Variants in SPATA6L observed in about 807,000 individuals in gnomAD.
SPATA6L encodes the protein spermatogenesis associated 6-like protein.
A neutral mutation model predicts 49.2 loss-of-function variants in SPATA6L; 68 were observed. The ratio of observed to expected loss-of-function variants is 1.38; its 90% CI spans 1.14 to 1.69. The LOEUF (loss-of-function observed/expected upper bound fraction) is 1.69. Among genes scored for constraint, SPATA6L ranks in the 40% most tolerant of loss-of-function variants. SPATA6L has a pLI of 0.00. For missense variants in SPATA6L, 668 were observed against 464.3 expected, an observed-to-expected ratio of 1.44 and a Z score of -4.03; for synonymous variants, 198 against 165.7, an observed-to-expected ratio of 1.19 and a Z score of -1.50.
chr9:4,655,522 C>G (rs1478927044), intron 3 of SPATA6L, among the ~76,000 whole-genome samples: 1 of 151,722 alleles, frequency 6.6e-6, no homozygotes, highest in Non-Finnish European at 1.5e-5. Context: ...TCCATCAAAG[C>G]CCATCTATAT....
intron 7 of SPATA6L, among the ~76,000 whole-genome samples, chr9:4,620,920 CT>C (rs1244607978): frequency 6.6e-6 from 1 of 152,180 alleles, no homozygotes; most frequent in Non-Finnish European, 1.5e-5. Flanking sequence ...ACTCAAAGAA[CT>C]TAAATTAAAT....
intron 1 of SPATA6L, chr9:4,663,344 G>A (rs960862166): frequency 2.5e-5 from 36 of 1,432,370 alleles, no homozygotes; most frequent in African/African-American, 1.7e-4. Flanking sequence ...CAGCCATCCC[G>A]CTTGTCCCTC....
intron 2 of SPATA6L, among the ~76,000 whole-genome samples, chr9:4,660,821 C>G (rs1446676388): frequency 6.6e-6 from 1 of 152,172 alleles, no homozygotes; most frequent in African/African-American, 2.4e-5. Flanking sequence ...GAAAATGTGG[C>G]ACATATACAC....
chr9:4,664,013 A>G (rs1380769695), intron 1 of SPATA6L: 3 of 167,118 alleles, frequency 1.8e-5, no homozygotes, highest in Non-Finnish European at 4.4e-5. Flanking sequence ...CAACTTGCTT[A>G]AAGAGGAATC....
At chr9:4,659,298 T>A (rs555337874) in intron 2 of SPATA6L, among the ~76,000 whole-genome samples, 3 of 152,314 alleles carry the variant, frequency 2.0e-5, no homozygotes, top group Admixed American at 6.5e-5. Context: ...GGGCATCACT[T>A]TCCAGACCTT....
intron 11 of SPATA6L, among the ~76,000 whole-genome samples, chr9:4,601,506 C>A (rs1411964977): frequency 6.6e-6 from 1 of 152,150 alleles, no homozygotes; most frequent in Admixed American, 6.5e-5. Context: ...ATTCCAACCC[C>A]TTCAACCCAT....
chr9:4,638,844 G>A (rs1401589647), intron 3 of SPATA6L, among the ~76,000 whole-genome samples: 1 of 150,854 alleles, frequency 6.6e-6, no homozygotes, highest in South Asian at 2.1e-4. Flanking sequence ...GAGTGCAATG[G>A]CGTAGTCTCA....
At chr9:4,626,321 G>C in intron 5 of SPATA6L, 1 of 1,206,892 alleles carries the variant, frequency 8.3e-7, no homozygotes, top group Non-Finnish European at 1.1e-6. Flanking sequence ...CCCCTGTTCA[G>C]ATTTGAGTCT....
chr9:4,651,532 A>G (rs1836848083), intron 3 of SPATA6L, among the ~76,000 whole-genome samples: 1 of 152,226 alleles, frequency 6.6e-6, no homozygotes, highest in Non-Finnish European at 1.5e-5. Context: ...AGATGAAGAC[A>G]TAACAAGAAA....
chr9:4,651,052 G>A (rs779401735), intron 3 of SPATA6L, among the ~76,000 whole-genome samples: 3 of 151,914 alleles, frequency 2.0e-5, no homozygotes, highest in Non-Finnish European at 2.9e-5. Context: ...ACCCAAGCTG[G>A]GGTAGAGTGG....
chr9:4,622,352 C>A, intron 7 of SPATA6L, 56 bp downstream of exon 7: 1 of 1,020,994 alleles, frequency 9.8e-7, no homozygotes, highest in Non-Finnish European at 1.5e-6. Flanking sequence ...AGAGTATACT[C>A]AGGACGCATT....
intron 3 of SPATA6L, among the ~76,000 whole-genome samples, chr9:4,650,124 A>C (rs1297614000): frequency 6.6e-6 from 1 of 152,160 alleles, no homozygotes; most frequent in Non-Finnish European, 1.5e-5. Context: ...ACCCTAACCT[A>C]TGCTACCTCT....
At chr9:4,625,665 A>G (rs565820442) in intron 5 of SPATA6L, 99 bp from the exon 6 acceptor site, 16 of 821,318 alleles carry the variant, frequency 1.9e-5, no homozygotes, top group Middle Eastern at 3.9e-4. Flanking sequence ...TTAAAAATTA[A>G]GGTCAAAGAT....
Position 4,661,927 on chromosome 9 carries a change from A to G in SPATA6L, c.149T>C (p.Met50Thr), listed in dbSNP as rs1372283638. 2 of 1,613,860 alleles carry G rather than the reference A, an allele frequency of 1.2e-6. No homozygotes were observed. Among genetic ancestry groups the G allele is most frequent in the African/African-American group, 2.7e-5 (2 of 74,940 alleles). The stretch of plus-strand genomic sequence containing the variant: ...TTCAAATCTCATGCTCTCCTGAATC[A>G]TAATGGGGAACGCAGAGGGAAAGCT... ...TNSFPSAFPI[M>T]IQESMRFEKV... Residue 50 changes from methionine (M) to threonine (T), a missense_variant, in exon 2 of 12, where the codon ATG becomes ACG. By Grantham distance (81) the Met-to-Thr change is moderately conservative. Transcript: ENST00000682582.
chr9:4,648,714 T>TAAATAAA (rs60168646), intron 3 of SPATA6L, among the ~76,000 whole-genome samples: 36 of 145,114 alleles, frequency 2.5e-4, no homozygotes, highest in African/African-American at 6.7e-4. Flanking sequence ...AATAAATAAA[T>TAAATAAA]TAAATAAATA....
chr9:4,622,457 C>A lies in SPATA6L; in HGVS notation c.723G>T (p.Arg241Ser). 1.2e-6 allele frequency: 2 copies of A among 1,613,878 alleles called. No homozygotes were observed. The highest frequency in any genetic ancestry group is 1.7e-6 in the Non-Finnish European group (2 of 1,179,922). ...GENISEHHLR[R>S]SRRKSKFSDF... The stretch of plus-strand genomic sequence containing the variant: ...CTGAAAACTTAGATTTTCTTCTAGA[C>A]CTCCTCAAATGATGCTCTGAAATAT... The change falls in exon 7 of 12, where the codon AGG (arginine) becomes AGT (serine). Residue 241 changes from arginine to serine, a missense_variant. Transcript: ENST00000682582.
chr9:4,629,653 A>G (rs1246321491), intron 4 of SPATA6L, among the ~76,000 whole-genome samples: 1 of 151,478 alleles, frequency 6.6e-6, no homozygotes, highest in African/African-American at 2.4e-5. Context: ...TCAGATATTT[A>G]TATTCATTAG....
intron 3 of SPATA6L, among the ~76,000 whole-genome samples, chr9:4,652,771 G>T (rs923428985): frequency 6.6e-6 from 1 of 150,880 alleles, no homozygotes; most frequent in African/African-American, 2.4e-5. Context: ...AACCTGGGAG[G>T]CAGAGGGTGC....
exon 14 of SPATA6L, chr9:4,588,863 C>T (rs978084729): frequency 1.3e-5 from 2 of 152,128 alleles, no homozygotes; most frequent in African/African-American, 4.8e-5. Flanking sequence ...TAAAGCATAC[C>T]CTGATTCTTA....
Sources: gnomAD v4.1 joint callset for allele counts (sites outside exome capture counted in the v4.1 genomes callset) on GRCh38, gnomAD v4.1.1 for gene constraint, MANE v1.5 for transcripts, NCBI Gene and HGNC (gene_info 2026-07-23, HGNC 2026-07-21) for gene names.